FAR1: variants seen among roughly 807,000 people sequenced by gnomAD.
FAR1 encodes the protein male sterility domain-containing protein 2.
Under a neutral mutation model 61.1 loss-of-function variants are expected in FAR1, and 22 were observed. The observed-to-expected ratio is 0.36, with a 90% confidence interval of 0.26 to 0.51. The LOEUF (loss-of-function observed/expected upper bound fraction) is 0.51. Ranked by LOEUF, FAR1 falls within the 20% of genes least tolerant of loss-of-function variation. The pLI is 0.95. For missense variants in FAR1, 359 were observed against 626.9 expected (o/e 0.57, Z 4.56); for synonymous variants, 206 against 209.7 (o/e 0.98, Z 0.15).
intron 3 of FAR1, among the ~76,000 whole-genome samples, chr11:13,702,186 C>G (rs948959927): frequency 1.1e-4 from 16 of 151,968 alleles, no homozygotes; most frequent in African/African-American, 3.9e-4. Context: ...GTTATTAGGA[C>G]TATAATATGA....
Position 13,700,485 on chromosome 11 carries a change from A to C in FAR1, c.358A>C (p.Asn120His). The change falls in exon 3 of 12, where the codon AAT (asparagine) becomes CAT (histidine). Residue 120 changes from asparagine to histidine, a missense_variant. This residue lies in a region of FAR1 where 344 missense variants were observed against 570.3 expected (regional missense o/e 0.60). Coordinates refer to ENST00000354817, the MANE Select transcript of FAR1 (RefSeq NM_032228.6). ...HCAATVRFNE[N>H]LRDAVQLNVI... ...TGCAGCTACAGTAAGGTTTAATGAAAATTTAAGGTAAGTACAAGTAATTAT... is the reference window on the plus strand; with the variant it reads ...TGCAGCTACAGTAAGGTTTAATGAACATTTAAGGTAAGTACAAGTAATTAT... 1 of 1,481,564 alleles carries C rather than the reference A, an allele frequency of 6.7e-7. No homozygotes were observed. The highest frequency in any genetic ancestry group is 2.6e-5 in the Admixed American group (1 of 39,024). The allele number at this position is 1,481,564 out of a possible 1,614,324, so 91.8% of individuals were successfully genotyped here. A position where few individuals can be genotyped will look rare whatever the true frequency, so the allele number is the denominator to read the frequency against.
chr11:13,702,704 G>GA (rs1371833105), intron 3 of FAR1, among the ~76,000 whole-genome samples: 1 of 152,042 alleles, frequency 6.6e-6, no homozygotes, highest in Non-Finnish European at 1.5e-5. Flanking sequence ...ATGTTTTCAT[G>GA]AAAAACATAC....
At position 13,700,500 on chromosome 11, in the gene FAR1, CAA is replaced by C. The variant is rs765674001; in HGVS notation, c.365+9_365+10del. 132 of 1,427,610 alleles carry C rather than the reference CAA, an allele frequency of 9.2e-5. No homozygotes were observed. Among genetic ancestry groups the C allele is most frequent in the Admixed American group, 3.7e-4 (14 of 38,314 alleles). 88.4% of individuals were successfully genotyped at this position (1,427,610 alleles called of 1,614,324 possible). A position where few individuals can be genotyped will look rare whatever the true frequency, so the allele number is the denominator to read the frequency against. ...GTTTAATGAAAATTTAAGGTAAGTA[CAA>C]GTAATTATATAATATTTGAACTTCA... On this transcript the variant is annotated intron_variant, in intron 3 of 11. Transcript: ENST00000354817.
chr11:13,725,444 A>T (rs1288273504), intron 10 of FAR1, among the ~76,000 whole-genome samples: 1 of 39,512 alleles, frequency 2.5e-5, no homozygotes, highest in Admixed American at 2.4e-4. Context: ...TAAAAATAGT[A>T]AAAAAAAAAA....
intron 2 of FAR1, among the ~76,000 whole-genome samples, chr11:13,699,326 A>T (rs1413568854): frequency 6.6e-6 from 1 of 152,196 alleles, no homozygotes; most frequent in African/African-American, 2.4e-5. Context: ...GGCTCATATG[A>T]AATACTCAGT....
intron 1 of FAR1, among the ~76,000 whole-genome samples, chr11:13,683,962 A>C (rs1032640363): frequency 6.6e-6 from 1 of 152,234 alleles, no homozygotes; most frequent in African/African-American, 2.4e-5. Flanking sequence ...GATGATACAG[A>C]AAGATGCATA....
rs547605860 is a variant in FAR1 at position 13,707,404 on chromosome 11, T to A, written c.366-496T>A. ...GCTACAAAGAGGAAAATAAACATCT[T>A]CTTTCTTGATTATATGTTAATATAA... On this transcript the variant is annotated intron_variant, in intron 3 of 11. Coordinates refer to ENST00000354817, the MANE Select transcript of FAR1 (RefSeq NM_032228.6). 2.6e-5 allele frequency among the ~76,000 whole-genome samples: 4 copies of A among 152,258 alleles called. No individual in the cohort carries two copies. In the South Asian group the frequency reaches 8.3e-4, roughly 32 times the overall value.
At chr11:13,717,940 TTG>T (rs1219489023) in intron 9 of FAR1, among the ~76,000 whole-genome samples, 1 of 152,128 alleles carries the variant, frequency 6.6e-6, no homozygotes, top group Middle Eastern at 3.2e-3. Flanking sequence ...TGCTTAAAAA[TTG>T]TGTGAGTTTC....
chr11:13,676,865 G>A (rs1848074021), intron 1 of FAR1, among the ~76,000 whole-genome samples: 1 of 152,118 alleles, frequency 6.6e-6, no homozygotes. Context: ...CTACTAGTAG[G>A]AAACAACTTA....
Position 13,729,861 on chromosome 11 carries a change from T to C in FAR1, c.*1087T>C, listed in dbSNP as rs1282372134. ...AAAAATAAAATAATGCTTAAGATAATGTGTACGAAATTAAATAAAGGACTT... is the reference window on the plus strand; with the variant it reads ...AAAAATAAAATAATGCTTAAGATAACGTGTACGAAATTAAATAAAGGACTT... On this transcript the variant is annotated 3_prime_UTR_variant, in exon 12 of 12. Coordinates refer to ENST00000354817, the MANE Select transcript of FAR1 (RefSeq NM_032228.6). The C allele has an allele frequency of 6.6e-6, 1 of 152,382 alleles. No individual in the cohort carries two copies. Among genetic ancestry groups the C allele is most frequent in the East Asian group, 1.9e-4 (1 of 5,200 alleles). 9.4% of individuals were successfully genotyped at this position (152,382 alleles called of 1,614,324 possible). A position where few individuals can be genotyped will look rare whatever the true frequency, so the allele number is the denominator to read the frequency against.
At chr11:13,705,345 A>G (rs181430882) in intron 3 of FAR1, among the ~76,000 whole-genome samples, 110 of 152,172 alleles carry the variant, frequency 7.2e-4, no homozygotes, top group African/African-American at 2.5e-3. Context: ...TGGCAGAGAG[A>G]TACTAGATGT....
chr11:13,714,897 TATTGA>T (rs1366426856), intron 9 of FAR1, among the ~76,000 whole-genome samples: 2 of 152,250 alleles, frequency 1.3e-5, no homozygotes, highest in Non-Finnish European at 2.9e-5. Context: ...TATTGTCATG[TATTGA>T]ATTCTAAGTC....
intron 1 of FAR1, among the ~76,000 whole-genome samples, chr11:13,688,666 AT>A (rs753724949): frequency 1.3e-5 from 2 of 152,314 alleles, no homozygotes; most frequent in South Asian, 2.1e-4. Context: ...TAAGAAAAAA[AT>A]AAAGCTCAAA....
At chr11:13,681,029 A>C (rs1344743798) in intron 1 of FAR1, among the ~76,000 whole-genome samples, 1 of 152,136 alleles carries the variant, frequency 6.6e-6, no homozygotes, top group Non-Finnish European at 1.5e-5. Flanking sequence ...TTTTGACTAG[A>C]GGTGTGTCAA....
At chr11:13,711,183 TAGACCC>T in intron 5 of FAR1, 1 of 328,762 alleles carries the variant, frequency 3.0e-6, no homozygotes, top group South Asian at 3.4e-5. Context: ...TTCCAGGAGG[TAGACCC>T]CTTCCTCTGT....
intron 10 of FAR1, chr11:13,723,485 C>A: frequency 2.9e-6 from 1 of 341,478 alleles, no homozygotes; most frequent in South Asian, 2.4e-5. Context: ...ATTCCTGGCT[C>A]GTCTTCCATT....
chr11:13,676,644 T>G (rs1200171245), intron 1 of FAR1, among the ~76,000 whole-genome samples: 1 of 152,130 alleles, frequency 6.6e-6, no homozygotes, highest in Non-Finnish European at 1.5e-5. Context: ...TTTAAAAACT[T>G]GTGGATTGTA....
At position 13,714,195 on chromosome 11, in the gene FAR1, C is replaced by T. The variant is rs188271575; in HGVS notation, c.956-314C>T. ...AGAGGAACAGAAAGGAAGAAGCTAT[C>T]GTGAGAGGTGAAATATAGAAAGTGA... On this transcript the variant is annotated intron_variant, in intron 8 of 11. Transcript: ENST00000354817. Among the ~76,000 whole-genome samples the T allele has an allele frequency of 3.9e-5, 6 of 152,022 alleles. No homozygotes were observed. The East Asian group carries it at 7.7e-4, about 20-fold the overall frequency.
At chr11:13,701,970 G>A (rs1323466777) in intron 3 of FAR1, among the ~76,000 whole-genome samples, 1 of 152,062 alleles carries the variant, frequency 6.6e-6, no homozygotes, top group Non-Finnish European at 1.5e-5. Flanking sequence ...TCAGCTTCCT[G>A]ATTTATAAAA....
Sources: allele counts gnomAD v4.1 joint callset (sites outside exome capture counted in the v4.1 genomes callset), GRCh38; gene constraint gnomAD v4.1.1; regional missense constraint gnomAD v4.1.1; transcripts MANE v1.5; gene names NCBI Gene and HGNC (gene_info 2026-07-23, HGNC 2026-07-21).